Variants in EFNA5 observed in about 807,000 individuals in gnomAD.
EFNA5 encodes ephrin-A5.
Under a neutral mutation model 22.9 loss-of-function variants are expected in EFNA5, and 5 were observed. The observed-to-expected ratio is 0.22, with a 90% CI of 0.11 to 0.46. The LOEUF (loss-of-function observed/expected upper bound fraction) is 0.46. EFNA5 is among the 20% of genes least tolerant of loss of function. EFNA5 has a pLI of 0.99. For synonymous variants in EFNA5, 113 were observed against 112.2 expected (o/e 1.01, Z -0.04); for missense variants, 237 against 293.3 (o/e 0.81, Z 1.40).
At chr5:107,424,632 T>C (rs1290631996) in intron 2 of EFNA5, among the ~76,000 whole-genome samples, 1 of 152,130 alleles carries the variant, frequency 6.6e-6, no homozygotes, top group Non-Finnish European at 1.5e-5. Context: ...TGAAGCTTGT[T>C]CCTGAGATCA....
At chr5:107,566,981 GTTCTCATT>G (rs1748677764) in intron 1 of EFNA5, among the ~76,000 whole-genome samples, 1 of 152,082 alleles carries the variant, frequency 6.6e-6, no homozygotes, top group South Asian at 2.1e-4. Context: ...CCCTTTTTAA[GTTCTCATT>G]TGAATTTGAT....
intron 1 of EFNA5, among the ~76,000 whole-genome samples, chr5:107,602,853 C>T (rs1427342702): frequency 2.0e-5 from 3 of 151,948 alleles, no homozygotes; most frequent in Non-Finnish European, 2.9e-5. Flanking sequence ...GAAAAAAATA[C>T]TAATTAGAAG....
rs545550938 is a variant in EFNA5, at chr5:107,450,131, G to A, written c.126-22622C>T. ...AAGCCGTGAAATATTTATATGCCTC[G>A]ACTTCCACATGAGAAGGAAGGAGGG... On this transcript the variant is annotated intron_variant, in intron 1 of 4. Transcript: ENST00000333274. Among the ~76,000 whole-genome samples, 88 of 152,276 alleles carry A rather than the reference G, an allele frequency of 5.8e-4. 1 individual carries two copies. The highest frequency in any genetic ancestry group is 1.8e-3 in the African/African-American group (76 of 41,564).
At chr5:107,487,763 G>C (rs1361831108) in intron 1 of EFNA5, among the ~76,000 whole-genome samples, 2 of 152,186 alleles carry the variant, frequency 1.3e-5, no homozygotes, top group Non-Finnish European at 2.9e-5. Flanking sequence ...GGACTGTAAA[G>C]CTCCTTGAAA....
intron 1 of EFNA5, among the ~76,000 whole-genome samples, chr5:107,560,585 T>C (rs1748514296): frequency 1.3e-5 from 2 of 152,232 alleles, no homozygotes; most frequent in African/African-American, 4.8e-5. Flanking sequence ...CCACAAACGT[T>C]AAGTCAAGCT....
At chr5:107,546,711 ATT>A (rs35429880) in intron 1 of EFNA5, among the ~76,000 whole-genome samples, 3 of 150,306 alleles carry the variant, frequency 2.0e-5, no homozygotes, top group Non-Finnish European at 4.4e-5. Flanking sequence ...GTAGGAAAGA[ATT>A]TTTTTTTTAA....
intron 1 of EFNA5, among the ~76,000 whole-genome samples, chr5:107,514,041 A>G (rs993071804): frequency 6.6e-6 from 1 of 152,220 alleles, no homozygotes; most frequent in Non-Finnish European, 1.5e-5. Flanking sequence ...TTGCTTTAAC[A>G]AAAACAACAA....
At chr5:107,437,053 G>C (rs1749128700) in intron 1 of EFNA5, among the ~76,000 whole-genome samples, 1 of 152,016 alleles carries the variant, frequency 6.6e-6, no homozygotes, top group African/African-American at 2.4e-5. Context: ...TTGTATTATG[G>C]GTTGATGATA....
In EFNA5 at chr5:107,376,945, G is replaced by A. The variant is rs1338249079; in HGVS notation, c.*4310C>T. ...TATTTAGTTATACTTGTACGGACAC[G>A]TGTATATACAAATACAGATCGTATG... On this transcript the variant is annotated 3_prime_UTR_variant, in exon 5 of 5. Transcript: ENST00000333274. The A allele has an allele frequency of 2.0e-5, 3 of 150,946 alleles. No homozygotes were observed. The highest frequency in any genetic ancestry group is 4.2e-4 in the South Asian group (2 of 4,802). 9.4% of individuals were successfully genotyped at this position (150,946 alleles called of 1,614,324 possible). A position where few individuals can be genotyped will look rare whatever the true frequency, so the allele number is the denominator to read the frequency against.
At chr5:107,648,341 A>G (rs1425227463) in intron 1 of EFNA5, among the ~76,000 whole-genome samples, 7 of 152,304 alleles carry the variant, frequency 4.6e-5, no homozygotes, top group South Asian at 2.1e-4. Context: ...TTATGTAACT[A>G]AAATACTTAT....
chr5:107,533,364 G>A lies in EFNA5; in HGVS notation c.126-105855C>T, dbSNP rs567109813. Among the ~76,000 whole-genome samples the A allele has an allele frequency of 2.1e-4, 32 of 152,284 alleles. No homozygotes were observed. In the South Asian group the frequency reaches 6.4e-3, roughly 31 times the overall value. On this transcript the variant is annotated intron_variant, in intron 1 of 4. Coordinates refer to ENST00000333274, the MANE Select transcript of EFNA5 (RefSeq NM_001962.3). ...ACTTTAGTGCTTCACCTATAGAGAA[G>A]TCTGAATTGGGCTTCTTTCTATCTC...
intron 1 of EFNA5, among the ~76,000 whole-genome samples, chr5:107,447,719 T>G (rs1444245711): frequency 1.3e-5 from 2 of 151,970 alleles, no homozygotes; most frequent in African/African-American, 4.8e-5. Context: ...CAAGGCAAAA[T>G]GTACAGACCC....
chr5:107,469,685 G>C, intron 1 of EFNA5, among the ~76,000 whole-genome samples: 1 of 151,328 alleles, frequency 6.6e-6, no homozygotes, highest in Non-Finnish European at 1.5e-5. Flanking sequence ...ACGCACCCAA[G>C]AGCTGTTTCC....
intron 2 of EFNA5, among the ~76,000 whole-genome samples, chr5:107,426,606 C>G (rs1331130459): frequency 6.6e-6 from 1 of 152,220 alleles, no homozygotes; most frequent in African/African-American, 2.4e-5. Flanking sequence ...AGTTTTAGAG[C>G]TCTCCCAGGA....
chr5:107,390,255 G>A (rs961186918), intron 2 of EFNA5, among the ~76,000 whole-genome samples: 3 of 152,172 alleles, frequency 2.0e-5, no homozygotes, highest in Non-Finnish European at 4.4e-5. Context: ...AAGTTAAAGT[G>A]TGGCTTTCCT....
intron 2 of EFNA5, among the ~76,000 whole-genome samples, chr5:107,421,196 T>A (rs1395965910): frequency 6.6e-6 from 1 of 152,192 alleles, no homozygotes; most frequent in African/African-American, 2.4e-5. Context: ...AACTGTAAAC[T>A]TTTAATCTAA....
intron 2 of EFNA5, chr5:107,388,487 C>T (rs1359120007): frequency 6.6e-6 from 1 of 151,528 alleles, no homozygotes; most frequent in African/African-American, 2.4e-5. Flanking sequence ...AGTGGGCTTA[C>T]CAAAACATGA....
At chr5:107,589,767 T>C (rs1327172605) in intron 1 of EFNA5, among the ~76,000 whole-genome samples, 2 of 152,206 alleles carry the variant, frequency 1.3e-5, no homozygotes, top group Non-Finnish European at 2.9e-5. Flanking sequence ...TGATGTTGAT[T>C]CTGGAAGAGG....
chr5:107,514,446 G>A (rs1175546241), intron 1 of EFNA5, among the ~76,000 whole-genome samples: 4 of 152,104 alleles, frequency 2.6e-5, no homozygotes, highest in Non-Finnish European at 5.9e-5. Context: ...CCTTCTCTGT[G>A]GTAGGCAGAG....
Sources: allele counts gnomAD v4.1 joint callset (sites outside exome capture counted in the v4.1 genomes callset), GRCh38; gene constraint gnomAD v4.1.1; transcripts MANE v1.5; gene names NCBI Gene and HGNC (gene_info 2026-07-23, HGNC 2026-07-21).